The following MCU variants were observed in gnomAD, a reference collection of about 807,000 sequenced individuals.
MCU encodes the protein mitochondrial calcium uniporter, also known as calcium uniporter protein, mitochondrial.
MCU carries 12 observed loss-of-function variants against 45.2 expected under a neutral mutation model. That is an observed-to-expected ratio of 0.27 (90% confidence interval 0.17 to 0.43). The LOEUF (loss-of-function observed/expected upper bound fraction) is 0.43. MCU is among the 20% of genes least tolerant of loss of function. The pLI, the probability that MCU is intolerant of heterozygous loss-of-function variation, is 1.00. For synonymous variants in MCU, 160 were observed against 165.1 expected (o/e 0.97, Z 0.24); for missense variants, 324 against 436.7 (o/e 0.74, Z 2.30).
chr10:72,818,330 A>C (rs1299947427), intron 1 of MCU, among the ~76,000 whole-genome samples: 1 of 152,180 alleles, frequency 6.6e-6, no homozygotes, highest in Non-Finnish European at 1.5e-5. Flanking sequence ...AACTCACATA[A>C]TGAAAATAAA....
intron 1 of MCU, among the ~76,000 whole-genome samples, chr10:72,823,924 G>C (rs1478049689): frequency 6.6e-6 from 1 of 152,014 alleles, no homozygotes; most frequent in Admixed American, 6.6e-5. Flanking sequence ...GCCAAGCATG[G>C]TGGCATATCC....
intron 1 of MCU, among the ~76,000 whole-genome samples, chr10:72,806,993 T>C (rs1040441644): frequency 3.9e-5 from 6 of 152,210 alleles, no homozygotes; most frequent in African/African-American, 9.6e-5. Context: ...AGCTAACATA[T>C]AGCTATTAAA....
At chr10:72,793,447 G>T (rs189703686) in intron 1 of MCU, among the ~76,000 whole-genome samples, 1 of 152,104 alleles carries the variant, frequency 6.6e-6, no homozygotes, top group Admixed American at 6.5e-5. Flanking sequence ...TGGCCATGAG[G>T]GTTTAATTTA....
chr10:72,712,706 A>G (rs1842910420), intron 1 of MCU, among the ~76,000 whole-genome samples: 1 of 152,158 alleles, frequency 6.6e-6, no homozygotes, highest in Non-Finnish European at 1.5e-5. Context: ...TGAAATAAAT[A>G]TTTGTTTTAA....
In MCU at chr10:72,834,358, G is replaced by C. The variant is rs1844924540; in HGVS notation, c.151-1G>C. ...GTAGATGTATCTTTTGTGTTTTCTA[G>C]GTACACCAGAGGATCGCTTCCTGGC... On this transcript the variant is annotated splice_acceptor_variant, in intron 1 of 7. Transcript: ENST00000373053. LOFTEE classifies it high-confidence loss of function. 1 of 1,612,790 alleles carries C rather than the reference G, an allele frequency of 6.2e-7. No individual in the cohort carries two copies. The highest frequency in any genetic ancestry group is 8.5e-7 in the Non-Finnish European group (1 of 1,179,140).
At chr10:72,871,349 A>G (rs778972431) in intron 5 of MCU, 28 bp from the exon 6 acceptor site, 215 of 1,608,116 alleles carry the variant, frequency 1.3e-4, no homozygotes, top group Non-Finnish European at 1.8e-4. Context: ...TTATGTCAAA[A>G]TGCCTTATGA....
rs186423751 is a variant in MCU, at chr10:72,694,604, G to A, written c.150+2303G>A. Among the ~76,000 whole-genome samples, 166 of 152,338 alleles carry A rather than the reference G, an allele frequency of 1.1e-3. 1 individual carries two copies. Among genetic ancestry groups the A allele is most frequent in the African/African-American group, 3.8e-3 (159 of 41,564 alleles). ...AAACAACTTACCAGAAAGAATAGAT[G>A]TTCTGGTAAAGGTCCCTGAGAGACA... is the stretch of plus-strand genomic sequence containing the variant. On this transcript the variant is annotated intron_variant, in intron 1 of 7. Transcript: ENST00000373053.
At chr10:72,753,982 G>A (rs1168527909) in intron 1 of MCU, among the ~76,000 whole-genome samples, 4 of 152,192 alleles carry the variant, frequency 2.6e-5, no homozygotes, top group African/African-American at 9.7e-5. Context: ...GAGGTTTAGA[G>A]TGATTAAGTA....
chr10:72,792,933 C>T (rs1844186272), intron 1 of MCU, among the ~76,000 whole-genome samples: 1 of 151,790 alleles, frequency 6.6e-6, no homozygotes, highest in South Asian at 2.1e-4. Flanking sequence ...GGCTGGAGTG[C>T]AGTGGCACGA....
intron 1 of MCU, among the ~76,000 whole-genome samples, chr10:72,808,144 T>C (rs1844480437): frequency 6.6e-6 from 1 of 152,230 alleles, no homozygotes; most frequent in South Asian, 2.1e-4. Context: ...TAGGTTTCCT[T>C]TGTCATTATA....
At chr10:72,745,772 G>C (rs1448123386) in intron 1 of MCU, among the ~76,000 whole-genome samples, 1 of 152,092 alleles carries the variant, frequency 6.6e-6, no homozygotes, top group Non-Finnish European at 1.5e-5. Flanking sequence ...TTTCTCACCA[G>C]AGCCTCATTG....
At chr10:72,864,245 A>G (rs1342338865) in intron 4 of MCU, among the ~76,000 whole-genome samples, 1 of 152,106 alleles carries the variant, frequency 6.6e-6, no homozygotes, top group African/African-American at 2.4e-5. Flanking sequence ...TAAATTGTCT[A>G]TTGCAGTAAA....
chr10:72,802,792 T>C (rs1158397824), intron 1 of MCU, among the ~76,000 whole-genome samples: 1 of 152,228 alleles, frequency 6.6e-6, no homozygotes, highest in Non-Finnish European at 1.5e-5. Context: ...TATCCCCTTA[T>C]TCTATATGAA....
intron 1 of MCU, among the ~76,000 whole-genome samples, chr10:72,805,052 G>A (rs1324110663): frequency 6.6e-6 from 1 of 151,900 alleles, no homozygotes; most frequent in Admixed American, 6.6e-5. Flanking sequence ...TTACAGGCAT[G>A]AGCCACCTCA....
intron 1 of MCU, among the ~76,000 whole-genome samples, chr10:72,794,123 AAAAT>A (rs1467071632): frequency 7.2e-5 from 11 of 152,202 alleles, no homozygotes; most frequent in Non-Finnish European, 1.2e-4. Flanking sequence ...TTTAATTAAA[AAAAT>A]AAATCAAGTC....
chr10:72,807,943 A>G (rs1564563114), intron 1 of MCU, among the ~76,000 whole-genome samples: 1 of 152,244 alleles, frequency 6.6e-6, no homozygotes, highest in Non-Finnish European at 1.5e-5. Flanking sequence ...CCAAATAGAA[A>G]CAGTCACTTA....
At chr10:72,825,742 T>C (rs1027614388) in intron 1 of MCU, among the ~76,000 whole-genome samples, 1 of 152,210 alleles carries the variant, frequency 6.6e-6, no homozygotes, top group African/African-American at 2.4e-5. Context: ...TTGAACTGTT[T>C]CTCTAAACTA....
At chr10:72,820,390 A>G (rs1368556021) in intron 1 of MCU, among the ~76,000 whole-genome samples, 1 of 152,034 alleles carries the variant, frequency 6.6e-6, no homozygotes, top group East Asian at 1.9e-4. Flanking sequence ...TTTACTTTTG[A>G]CCTCATGCTC....
intron 1 of MCU, among the ~76,000 whole-genome samples, chr10:72,824,272 C>T (rs188185129): frequency 6.6e-6 from 1 of 150,652 alleles, no homozygotes; most frequent in Admixed American, 6.6e-5. Flanking sequence ...TCTCAGCTCA[C>T]TGCAACCTCC....
Sources: allele counts gnomAD v4.1 joint callset (sites outside exome capture counted in the v4.1 genomes callset), GRCh38; gene constraint gnomAD v4.1.1; transcripts MANE v1.5; gene names NCBI Gene and HGNC (gene_info 2026-07-23, HGNC 2026-07-21).